ZMAT4: variants seen among roughly 807,000 people sequenced by gnomAD.
ZMAT4 encodes the protein zinc finger matrin-type 4.
Under a neutral mutation model 28.7 loss-of-function variants are expected in ZMAT4, and 17 were observed. The ratio of observed to expected loss-of-function variants is 0.59; its 90% CI spans 0.41 to 0.89. The LOEUF (loss-of-function observed/expected upper bound fraction) is 0.89. Ranked by LOEUF, ZMAT4 falls within the 40% of genes least tolerant of loss-of-function variation. ZMAT4 has a pLI of 0.00. For missense variants in ZMAT4, 240 were observed against 283.8 expected, an observed-to-expected ratio of 0.85 and a Z score of 1.11; for synonymous variants, 117 against 109.2, an observed-to-expected ratio of 1.07 and a Z score of -0.44.
chr8:40,538,106 T>C (rs1453547902), intron 6 of ZMAT4, among the ~76,000 whole-genome samples: 2 of 152,228 alleles, frequency 1.3e-5, no homozygotes, highest in African/African-American at 4.8e-5. Flanking sequence ...TGCCTCATTA[T>C]ACCTCTCCAG....
chr8:40,651,096 G>A (rs1807624743), intron 5 of ZMAT4, among the ~76,000 whole-genome samples: 1 of 152,028 alleles, frequency 6.6e-6, no homozygotes, highest in Non-Finnish European at 1.5e-5. Context: ...GCAGGAGAAG[G>A]AAATAAAGGG....
At chr8:40,606,201 A>C (rs972914273) in intron 5 of ZMAT4, among the ~76,000 whole-genome samples, 2 of 152,102 alleles carry the variant, frequency 1.3e-5, no homozygotes, top group Non-Finnish European at 2.9e-5. Context: ...GAGAGGTACT[A>C]TTCTCTTCAT....
intron 2 of ZMAT4, among the ~76,000 whole-genome samples, chr8:40,788,989 AAGGG>A (rs1202490258): frequency 9.6e-5 from 12 of 125,190 alleles, no homozygotes; most frequent in African/African-American, 8.8e-5. Context: ...GGGAGGGAGG[AAGGG>A]AGGGAGGGAG....
At chr8:40,569,461 A>G (rs898672094) in intron 6 of ZMAT4, among the ~76,000 whole-genome samples, 49 of 152,200 alleles carry the variant, frequency 3.2e-4, no homozygotes, top group African/African-American at 8.0e-4. Context: ...GGTGAAATGT[A>G]TGAGAAGGCA....
chr8:40,845,071 C>T (rs72641581), intron 1 of ZMAT4, among the ~76,000 whole-genome samples: 2,134 of 152,258 alleles, frequency 0.014, 17 homozygotes, highest in Admixed American at 0.02. Context: ...ATTCAGTTCC[C>T]GTTAACATGA....
chr8:40,714,957 G>A (rs1439201975), intron 3 of ZMAT4, among the ~76,000 whole-genome samples: 2 of 144,688 alleles, frequency 1.4e-5, no homozygotes, highest in Non-Finnish European at 3.0e-5. Context: ...GCTGAGGGAG[G>A]AGAATGGCTT....
At chr8:40,568,930 TG>T (rs749630860) in intron 6 of ZMAT4, among the ~76,000 whole-genome samples, 5 of 152,176 alleles carry the variant, frequency 3.3e-5, no homozygotes, top group Non-Finnish European at 7.3e-5. Context: ...TGACGTTAAC[TG>T]TAATCACTAC....
chr8:40,674,561 C>T (rs1449008900), intron 5 of ZMAT4, 143 bp downstream of exon 5: 1 of 638,846 alleles, frequency 1.6e-6, no homozygotes. Context: ...CTGCTCATTT[C>T]CTTTCTTGTC....
intron 5 of ZMAT4, among the ~76,000 whole-genome samples, chr8:40,601,617 AGAAAGAAAGAAAGAAAG>A (rs1563360674): frequency 2.7e-4 from 7 of 25,672 alleles, no homozygotes; most frequent in Admixed American, 1.2e-3. Context: ...AAAGAAAGAA[AGAAAGAAAGAAAGAAAG>A]AGAAAGAAAG....
intron 5 of ZMAT4, among the ~76,000 whole-genome samples, chr8:40,592,254 C>T (rs548346414): frequency 1.1e-4 from 16 of 152,210 alleles, no homozygotes; most frequent in South Asian, 2.1e-4. Context: ...GGAATGGGGG[C>T]GCATCCAATC....
At chr8:40,762,531 C>T (rs760450990) in intron 3 of ZMAT4, among the ~76,000 whole-genome samples, 2 of 151,968 alleles carry the variant, frequency 1.3e-5, no homozygotes, top group Admixed American at 1.3e-4. Context: ...TGGTGCATGC[C>T]TGCAATCCCA....
At chr8:40,633,328 G>A (rs1375886491) in intron 5 of ZMAT4, among the ~76,000 whole-genome samples, 4 of 152,136 alleles carry the variant, frequency 2.6e-5, no homozygotes, top group Admixed American at 2.6e-4. Context: ...TTCTCCCAGG[G>A]CAGAAACACC....
intron 1 of ZMAT4, among the ~76,000 whole-genome samples, chr8:40,850,535 G>T (rs1817065255): frequency 6.6e-6 from 1 of 152,092 alleles, no homozygotes; most frequent in Non-Finnish European, 1.5e-5. Flanking sequence ...AGCTTTGTGG[G>T]GTAGAGATCT....
At chr8:40,825,148 A>G (rs1815985808) in intron 2 of ZMAT4, among the ~76,000 whole-genome samples, 1 of 152,168 alleles carries the variant, frequency 6.6e-6, no homozygotes, top group Non-Finnish European at 1.5e-5. Flanking sequence ...CGGCTGCTTC[A>G]TTACTTGCTG....
intron 1 of ZMAT4, among the ~76,000 whole-genome samples, chr8:40,865,229 T>A (rs1291433397): frequency 6.6e-6 from 1 of 152,106 alleles, no homozygotes; most frequent in Non-Finnish European, 1.5e-5. Flanking sequence ...CGCTTCGGAG[T>A]ATCACACAAT....
chr8:40,712,373 C>T (rs771155577), intron 3 of ZMAT4, among the ~76,000 whole-genome samples: 2 of 152,220 alleles, frequency 1.3e-5, no homozygotes, highest in Admixed American at 6.5e-5. Flanking sequence ...AAAGATAAGA[C>T]ATGGAGGATA....
chr8:40,534,468 G>A (rs1055600700), intron 6 of ZMAT4, among the ~76,000 whole-genome samples: 3 of 152,158 alleles, frequency 2.0e-5, no homozygotes, highest in African/African-American at 7.2e-5. Context: ...AAGGCATAGG[G>A]AAAAAAATTC....
At chr8:40,551,308 A>G (rs949144522) in intron 6 of ZMAT4, among the ~76,000 whole-genome samples, 2 of 152,220 alleles carry the variant, frequency 1.3e-5, no homozygotes, top group Admixed American at 6.5e-5. Context: ...ACATAAGGGC[A>G]AAAGAGAAAA....
intron 5 of ZMAT4, among the ~76,000 whole-genome samples, chr8:40,629,391 A>G (rs1220997431): frequency 7.0e-6 from 1 of 143,830 alleles, no homozygotes; most frequent in South Asian, 2.2e-4. Context: ...TTTGCCTGCA[A>G]TGGAGTTTTT....
Sources: gnomAD v4.1 joint callset for allele counts (sites outside exome capture counted in the v4.1 genomes callset) on GRCh38, gnomAD v4.1.1 for gene constraint, MANE v1.5 for transcripts, NCBI Gene and HGNC (gene_info 2026-07-23, HGNC 2026-07-21) for gene names.